The following ZNF536 variants were observed in gnomAD, a reference collection of about 807,000 sequenced individuals.
ZNF536 encodes the protein zinc finger protein 536.
Under a neutral mutation model 84.5 loss-of-function variants are expected in ZNF536, and 13 were observed. The ratio of observed to expected loss-of-function variants is 0.15; its 90% CI spans 0.10 to 0.24. ZNF536 has a LOEUF of 0.24. ZNF536 is among the 10% of genes least tolerant of loss of function. The probability of loss-of-function intolerance (pLI) is 1.00; values close to 1 mark genes in which losing one functional copy is unlikely to be tolerated. For synonymous variants in ZNF536, 811 were observed against 742.5 expected (o/e 1.09, Z -1.50); for missense variants, 1,536 against 1,747.5 (o/e 0.88, Z 2.16).
At chr19:30,711,116 T>C (rs1172939841) in exon 2 of ZNF536, 1 of 151,696 alleles carries the variant, frequency 6.6e-6, no homozygotes, top group Non-Finnish European at 1.5e-5. Flanking sequence ...CCCCCAATAG[T>C]GTATAGAACA....
chr19:30,687,592 C>G (rs1055086019), intron 1 of ZNF536, among the ~76,000 whole-genome samples: 3 of 152,188 alleles, frequency 2.0e-5, no homozygotes, highest in African/African-American at 7.2e-5. Flanking sequence ...GTCACGTTCA[C>G]TTTCAACCTA....
chr19:30,416,249 A>G (rs1277702822), intron 1 of ZNF536, among the ~76,000 whole-genome samples: 1 of 149,564 alleles, frequency 6.7e-6, no homozygotes, highest in Admixed American at 6.6e-5. Context: ...TTGTGAAGAT[A>G]CTAGTTAGAA....
intron 1 of ZNF536, among the ~76,000 whole-genome samples, chr19:30,671,330 G>A (rs1055811277): frequency 2.0e-5 from 3 of 152,346 alleles, no homozygotes; most frequent in Middle Eastern, 3.4e-3. Context: ...CAAAGGAGTA[G>A]CATGTGATGA....
intron 2 of ZNF536, among the ~76,000 whole-genome samples, chr19:30,314,301 C>T (rs745506613): frequency 1.3e-5 from 2 of 152,154 alleles, no homozygotes; most frequent in East Asian, 1.9e-4. Context: ...GACTATCATT[C>T]GTGCAGGCTG....
intron 4 of ZNF536, chr19:30,556,902 G>C (rs2045985208): frequency 2.5e-6 from 1 of 405,714 alleles, no homozygotes; most frequent in Non-Finnish European, 4.3e-6. Flanking sequence ...CAAAGCCCAG[G>C]GTTCAAATAA....
At chr19:30,255,552 A>G (rs1431884553) in intron 1 of ZNF536, among the ~76,000 whole-genome samples, 1 of 152,182 alleles carries the variant, frequency 6.6e-6, no homozygotes, top group African/African-American at 2.4e-5. Flanking sequence ...GCAGGATACG[A>G]TTACAGTAAT....
chr19:30,677,447 C>T (rs1299715624), intron 1 of ZNF536, among the ~76,000 whole-genome samples: 2 of 152,240 alleles, frequency 1.3e-5, no homozygotes, highest in Admixed American at 6.5e-5. Flanking sequence ...GCCCTGGCCA[C>T]CCTTGGCCAT....
At chr19:30,525,951 TG>T (rs2044556138) in intron 2 of ZNF536, among the ~76,000 whole-genome samples, 1 of 152,172 alleles carries the variant, frequency 6.6e-6, no homozygotes, top group Non-Finnish European at 1.5e-5. Flanking sequence ...AATGAGTAGC[TG>T]GTCCCTGCCC....
At chr19:30,338,113 T>G (rs919167448) in intron 2 of ZNF536, among the ~76,000 whole-genome samples, 1 of 150,472 alleles carries the variant, frequency 6.6e-6, no homozygotes, top group Non-Finnish European at 1.5e-5. Flanking sequence ...TGATTGTGAT[T>G]ATGATGATGA....
At position 30,522,255 on chromosome 19, in the gene ZNF536, A is replaced by ATG. The variant is rs1568512114; in HGVS notation, c.2171-12591_2171-12590insGT. ...CTGTGCCTGATTGGCAGAGCTGGAT[A>ATG]TATATACATATATATATACATATAT... On this transcript the variant is annotated intron_variant, in intron 2 of 4. Coordinates refer to ENST00000355537, the MANE Select transcript of ZNF536 (RefSeq NM_014717.3). Among the ~76,000 whole-genome samples the ATG allele has an allele frequency of 5.6e-4, 75 of 133,358 alleles. 2 individuals are homozygous for ATG. The highest frequency in any genetic ancestry group is 1.9e-3 in the African/African-American group (71 of 37,146). The allele number at this position is 133,358 out of a possible 152,430, so 87.5% of individuals were successfully genotyped here. A position where few individuals can be genotyped will look rare whatever the true frequency, so the allele number is the denominator to read the frequency against.
intron 2 of ZNF536, among the ~76,000 whole-genome samples, chr19:30,501,190 A>C (rs181227231): frequency 1.3e-5 from 2 of 152,344 alleles, no homozygotes; most frequent in African/African-American, 4.8e-5. Flanking sequence ...ATTTACTAAA[A>C]GCTCAATATC....
At chr19:30,294,283 C>T (rs1441743322) in intron 2 of ZNF536, among the ~76,000 whole-genome samples, 1 of 152,150 alleles carries the variant, frequency 6.6e-6, no homozygotes, top group African/African-American at 2.4e-5. Flanking sequence ...GTTGAATTTT[C>T]CCTACCCCCA....
At chr19:30,458,269 C>T (rs1002919103) in intron 2 of ZNF536, among the ~76,000 whole-genome samples, 4 of 151,816 alleles carry the variant, frequency 2.6e-5, no homozygotes, top group East Asian at 1.9e-4. Flanking sequence ...GTAGAAGATT[C>T]GGAGACGCCT....
At chr19:30,664,932 A>G (rs1001751579) in intron 1 of ZNF536, among the ~76,000 whole-genome samples, 4 of 150,772 alleles carry the variant, frequency 2.7e-5, no homozygotes, top group East Asian at 1.9e-4. Context: ...TCTTCCTATA[A>G]ATAGGTCACA....
intron 2 of ZNF536, chr19:30,296,190 T>C (rs1444572362): frequency 6.6e-6 from 1 of 152,278 alleles, no homozygotes; most frequent in Non-Finnish European, 1.5e-5. Context: ...AGACTGACAG[T>C]GTCCAGGAAA....
chr19:30,440,853 G>T (rs1210663549), intron 1 of ZNF536, among the ~76,000 whole-genome samples: 1 of 151,208 alleles, frequency 6.6e-6, no homozygotes, highest in East Asian at 1.9e-4. Flanking sequence ...ACCTTAAAGA[G>T]ATTACAAATC....
At chr19:30,338,386 A>T (rs959846960) in intron 2 of ZNF536, among the ~76,000 whole-genome samples, 1 of 151,746 alleles carries the variant, frequency 6.6e-6, no homozygotes, top group African/African-American at 2.4e-5. Flanking sequence ...AATGGTGGTG[A>T]TGATGGTGGT....
intron 1 of ZNF536, among the ~76,000 whole-genome samples, chr19:30,623,801 TG>T (rs2147165975): frequency 6.6e-6 from 1 of 152,322 alleles, no homozygotes; most frequent in South Asian, 2.1e-4. Flanking sequence ...CTGCAAATGT[TG>T]GGGTGTTATC....
intron 1 of ZNF536, among the ~76,000 whole-genome samples, chr19:30,252,018 T>C (rs1312713729): frequency 2.0e-5 from 3 of 151,802 alleles, no homozygotes; most frequent in Non-Finnish European, 4.4e-5. Flanking sequence ...ACCCACAGAG[T>C]GGGAGAAAAT....
Sources: allele counts gnomAD v4.1 joint callset (sites outside exome capture counted in the v4.1 genomes callset), GRCh38; gene constraint gnomAD v4.1.1; transcripts MANE v1.5; gene names NCBI Gene and HGNC (gene_info 2026-07-23, HGNC 2026-07-21).